ZNF236: variants seen among roughly 807,000 people sequenced by gnomAD.
ZNF236 encodes the protein zinc finger protein 236.
In ZNF236, 50 loss-of-function variants were observed where a neutral mutation model predicts 191.2. The observed-to-expected ratio is 0.26, with a 90% CI of 0.21 to 0.33. The LOEUF is 0.33. Ranked by LOEUF, ZNF236 falls within the 10% of genes least tolerant of loss-of-function variation. ZNF236 has a pLI of 1.00. For missense variants in ZNF236, 1,754 were observed against 2,374.5 expected (o/e 0.74, Z 5.43); for synonymous variants, 907 against 928.8 (o/e 0.98, Z 0.43).
chr18:76,925,655 A>G lies in ZNF236; in HGVS notation c.4027+101A>G, dbSNP rs1967657529. ...CAGAAGAGATGTTGTTTACCGTAGC[A>G]CCACGTTTCCCTTCTTTGAGCCTTT... On this transcript the variant is annotated intron_variant, in intron 22 of 30. Coordinates refer to ENST00000320610, the MANE Select transcript of ZNF236 (RefSeq NM_001306089.2). This position sits in a 1 kb window ranked among gnomAD's most constrained non-coding sequence, Gnocchi z 5.7. The G allele has an allele frequency of 1.4e-6, 2 of 1,445,730 alleles. No homozygotes were observed. The highest frequency in any genetic ancestry group is 9.2e-7 in the Non-Finnish European group (1 of 1,092,376). The allele number at this position is 1,445,730 out of a possible 1,614,324, so 89.6% of individuals were successfully genotyped here.
chr18:76,837,003 G>A (rs1473753665), intron 1 of ZNF236, among the ~76,000 whole-genome samples: 2 of 151,974 alleles, frequency 1.3e-5, no homozygotes, highest in Non-Finnish European at 2.9e-5. Flanking sequence ...AGCCTCTGGA[G>A]TAGCTGGGAT....
At chr18:76,916,282 C>T (rs1048120116) in intron 19 of ZNF236, among the ~76,000 whole-genome samples, 6 of 152,124 alleles carry the variant, frequency 3.9e-5, no homozygotes, top group African/African-American at 7.2e-5. Flanking sequence ...CAGATGACTC[C>T]GTGGAATTCC....
chr18:76,935,885 A>T (rs1967979671), intron 25 of ZNF236: 1 of 443,220 alleles, frequency 2.3e-6, no homozygotes, highest in Admixed American at 2.4e-5. Flanking sequence ...ATGCTGGAGC[A>T]GGCGGGAGGG....
At chr18:76,852,371 A>G (rs542014367) in intron 3 of ZNF236, among the ~76,000 whole-genome samples, 16 of 152,346 alleles carry the variant, frequency 1.1e-4, no homozygotes, top group Non-Finnish European at 2.1e-4. Context: ...ATGATGGCCC[A>G]AAGCAGCTTA....
chr18:76,897,233 A>G (rs1977452067), intron 10 of ZNF236, among the ~76,000 whole-genome samples: 1 of 151,890 alleles, frequency 6.6e-6, no homozygotes, highest in Admixed American at 6.6e-5. Context: ...CACAGGTACC[A>G]AACAGTACTG....
At chr18:76,944,349 C>G (rs1382672148) in intron 26 of ZNF236, among the ~76,000 whole-genome samples, 1 of 152,218 alleles carries the variant, frequency 6.6e-6, no homozygotes, top group Non-Finnish European at 1.5e-5. Flanking sequence ...AAGAAACCAA[C>G]TGCAAATAAT....
rs1599300037 is a variant in ZNF236 at position 76,822,747 on chromosome 18, G to T, written c.55+85G>T. On this transcript the variant is annotated intron_variant, in intron 1 of 30. Transcript: ENST00000320610. ...GCCAGTCCCCGGATGCGGCGCGGGG[G>T]GCGCCGGGAGCGGCGGGGCGGGGGC... is the stretch of plus-strand genomic sequence containing the variant. 4 of 145,508 alleles carry T rather than the reference G, an allele frequency of 2.7e-5. 1 individual carries two copies. Among genetic ancestry groups the T allele is most frequent in the African/African-American group, 7.4e-5 (3 of 40,742 alleles). 9.0% of individuals were successfully genotyped at this position (145,508 alleles called of 1,614,324 possible). A position where few individuals can be genotyped will look rare whatever the true frequency, so the allele number is the denominator to read the frequency against.
In ZNF236 at chr18:76,969,052, G is replaced by T; in HGVS notation, c.*713G>T. 5 of 858,326 alleles carry T rather than the reference G, an allele frequency of 5.8e-6. No homozygotes were observed. The highest frequency in any genetic ancestry group is 7.0e-6 in the Non-Finnish European group (5 of 713,534). The allele number at this position is 858,326 out of a possible 1,614,324, so 53.2% of individuals were successfully genotyped here. A position where few individuals can be genotyped will look rare whatever the true frequency, so the allele number is the denominator to read the frequency against. On this transcript the variant is annotated 3_prime_UTR_variant, in exon 31 of 31. Transcript: ENST00000320610. ...CACACGGGCTGGCGACACACTTACC[G>T]CATCAATCTGTGTTCAGGTCCAGGG...
chr18:76,924,442 C>T (rs1485317523), intron 21 of ZNF236, among the ~76,000 whole-genome samples: 1 of 152,140 alleles, frequency 6.6e-6, no homozygotes, highest in Non-Finnish European at 1.5e-5. Context: ...CTGAGGAACC[C>T]AGGGCGGCGT....
At chr18:76,825,837 C>T (rs1025039412) in intron 1 of ZNF236, among the ~76,000 whole-genome samples, 1 of 152,016 alleles carries the variant, frequency 6.6e-6, no homozygotes, top group African/African-American at 2.4e-5. Context: ...TCTTGAACTC[C>T]TGGGCTCAAG....
At chr18:76,888,582 T>G (rs1387621378) in intron 9 of ZNF236, 1 of 152,358 alleles carries the variant, frequency 6.6e-6, no homozygotes, top group Non-Finnish European at 1.5e-5. Flanking sequence ...AGAAAGACTT[T>G]GTGTCACCCT....
At chr18:76,871,046 G>A (rs1340928051) in intron 4 of ZNF236, among the ~76,000 whole-genome samples, 1 of 152,174 alleles carries the variant, frequency 6.6e-6, no homozygotes, top group African/African-American at 2.4e-5. Flanking sequence ...TGGCTAGAGG[G>A]TGGAGAGACA....
chr18:76,861,702 G>T (rs1331358992), intron 3 of ZNF236, among the ~76,000 whole-genome samples: 1 of 152,074 alleles, frequency 6.6e-6, no homozygotes, highest in Non-Finnish European at 1.5e-5. Flanking sequence ...AACCTCTAAG[G>T]TTCCAGCCAC....
intron 25 of ZNF236, among the ~76,000 whole-genome samples, chr18:76,931,977 C>T (rs769104587): frequency 1.1e-4 from 16 of 152,160 alleles, no homozygotes; most frequent in Non-Finnish European, 1.6e-4. Flanking sequence ...CCTCTTGTCC[C>T]GTAGTTCATT....
chr18:76,861,475 T>C (rs11665176), intron 3 of ZNF236, among the ~76,000 whole-genome samples: 31,709 of 152,088 alleles, frequency 0.21, 3,862 homozygotes, highest in Middle Eastern at 0.31. Flanking sequence ...TAGTGTTGAG[T>C]TGATTAGCTG....
intron 1 of ZNF236, chr18:76,834,714 C>G (rs747228355): frequency 6.2e-5 from 27 of 437,822 alleles, no homozygotes; most frequent in Non-Finnish European, 9.4e-5. Flanking sequence ...TTATAGTGTC[C>G]TCATACAACC....
rs1977520482 is a variant in ZNF236, at chr18:76,899,213, A to G, written c.1885A>G (p.Thr629Ala). The G allele has an allele frequency of 6.2e-7, 1 of 1,613,290 alleles. No individual in the cohort carries two copies. The highest frequency in any genetic ancestry group is 8.5e-7 in the Non-Finnish European group (1 of 1,179,396). The change falls in exon 11 of 31, where the codon ACT becomes GCT. Residue 629 changes from threonine (T) to alanine (A), a missense_variant. Thr to Ala is a moderately conservative substitution (Grantham distance 58). This residue lies in a region of ZNF236 where 641 missense variants were observed against 869.6 expected (regional missense o/e 0.74). Coordinates refer to ENST00000320610, the MANE Select transcript of ZNF236 (RefSeq NM_001306089.2). ...TCCTTTGCAGGAACCAATCCTCATA[A>G]CTGACTTAGGTAAGATGGATTGTAG... ...DIPLQEPILI[T>A]DLGLIQPIPK... is the part of the protein sequence containing the mutation.
rs1289687975 is a variant in ZNF236, at chr18:76,910,132, T to A, written c.2616T>A (p.Pro872=). 1.5e-5 allele frequency: 25 copies of A among 1,613,482 alleles called. No individual in the cohort carries two copies. The highest frequency in any genetic ancestry group is 2.1e-5 in the Non-Finnish European group (25 of 1,179,432). Residue 872 remains proline, a synonymous_variant, in exon 15 of 31, where the codon CCT becomes CCA. Coordinates refer to ENST00000320610, the MANE Select transcript of ZNF236 (RefSeq NM_001306089.2). The stretch of plus-strand genomic sequence containing the variant: ...TAGACCAGTTTGAAGAGCAGAGCCC[T>A]GCGCAACAGTCCTTCGAACCAGCAG... ...GHVDQFEEQS[P]AQQSFEPAGL...
Position 76,959,720 on chromosome 18 carries a change from T to C in ZNF236, c.5146T>C (p.Leu1716=). The C allele has an allele frequency of 6.2e-7, 1 of 1,613,682 alleles. No individual in the cohort carries two copies. Among genetic ancestry groups the C allele is most frequent in the Non-Finnish European group, 8.5e-7 (1 of 1,179,814 alleles). The part of the protein sequence containing the change: ...HMQTHQAGPS[L]SSQKPRVFKC... ...GCAGACACACCAGGCCGGCCCCTCT[T>C]TGAGCTCCCAGAAGCCAAGAGTGTT... The change falls in exon 29 of 31, where the codon TTG becomes CTG. Residue 1716 remains leucine (L), a synonymous_variant. Transcript: ENST00000320610.
Sources: allele counts gnomAD v4.1 joint callset (sites outside exome capture counted in the v4.1 genomes callset), GRCh38; gene constraint gnomAD v4.1.1; regional missense constraint gnomAD v4.1.1; non-coding constraint Gnocchi (gnomAD v3.1); transcripts MANE v1.5; gene names NCBI Gene and HGNC (gene_info 2026-07-23, HGNC 2026-07-21).